The following WDR59 variants were observed in gnomAD, a reference collection of about 807,000 sequenced individuals.
WDR59 encodes GATOR2 complex protein WDR59.
WDR59 carries 100 observed loss-of-function variants against 131.2 expected under a neutral mutation model. The ratio of observed to expected loss-of-function variants is 0.76; its 90% confidence interval spans 0.65 to 0.90. The LOEUF (loss-of-function observed/expected upper bound fraction) is 0.90, where lower values mean the gene tolerates loss of function less well. Among genes scored for constraint, WDR59 ranks in the 40% least tolerant of loss-of-function variants. WDR59 has a pLI of 0.00. For missense variants in WDR59, 1,203 were observed against 1,262.2 expected, an observed-to-expected ratio of 0.95 and a Z score of 0.71; for synonymous variants, 601 against 466.2, an observed-to-expected ratio of 1.29 and a Z score of -3.72.
In WDR59 at chr16:74,942,801, A is replaced by G. The variant is rs766186106; in HGVS notation, c.471T>C (p.Asn157=). The G allele has an allele frequency of 1.2e-6, 2 of 1,612,534 alleles. No homozygotes were observed. Among genetic ancestry groups the G allele is most frequent in the East Asian group, 4.5e-5 (2 of 44,882 alleles). Residue 157 remains asparagine, a synonymous_variant, in exon 7 of 26, where the codon AAT becomes AAC. Coordinates refer to ENST00000262144, the MANE Select transcript of WDR59 (RefSeq NM_030581.4). Reference sequence around the variant, plus strand: ...TGGCAAGGCAGTTAGCATTTTTTTTATTCCATTTGACCTGGGAGGCACCCG... The same window carrying G: ...TGGCAAGGCAGTTAGCATTTTTTTTGTTCCATTTGACCTGGGAGGCACCCG... ...AVAGASQVKW[N]KKNANCLATS...
chr16:74,918,781 G>T (rs916909535), intron 10 of WDR59, among the ~76,000 whole-genome samples: 2 of 152,132 alleles, frequency 1.3e-5, no homozygotes, highest in African/African-American at 4.8e-5. Flanking sequence ...TTTATGGATG[G>T]GGAAACTGAG....
At chr16:74,951,197 T>C (rs2032977972) in intron 4 of WDR59, among the ~76,000 whole-genome samples, 1 of 151,210 alleles carries the variant, frequency 6.6e-6, no homozygotes, top group Non-Finnish European at 1.5e-5. Flanking sequence ...CTCTAATCCT[T>C]TACCCTGGAC....
At chr16:74,910,014 C>A (rs1158319924) in intron 14 of WDR59, 97 bp from the exon 15 acceptor site, 37 of 1,063,948 alleles carry the variant, frequency 3.5e-5, no homozygotes, top group Non-Finnish European at 4.7e-5. Flanking sequence ...GTTGCCCAGG[C>A]TGGAGTGTAG....
intron 2 of WDR59, among the ~76,000 whole-genome samples, chr16:74,958,716 G>C (rs1300432601): frequency 6.6e-6 from 1 of 151,568 alleles, no homozygotes; most frequent in African/African-American, 2.4e-5. Flanking sequence ...ACAAGGGCAA[G>C]GGGTAGGGCT....
chr16:74,969,883 T>C (rs2033914273), intron 1 of WDR59, among the ~76,000 whole-genome samples: 1 of 151,924 alleles, frequency 6.6e-6, no homozygotes, highest in Non-Finnish European at 1.5e-5. Context: ...AACTCCTAGA[T>C]TCAAATGATC....
intron 11 of WDR59, 114 bp downstream of exon 11, chr16:74,917,815 A>G: frequency 1.1e-6 from 1 of 884,650 alleles, no homozygotes; most frequent in Non-Finnish European, 1.7e-6. Context: ...TCTCAAAAAA[A>G]AAAAAAAAAA....
rs118141645 is a variant in WDR59, at chr16:74,901,453, T to G, written c.1866+2494A>C. 1.8e-4 allele frequency among the ~76,000 whole-genome samples: 28 copies of G among 152,076 alleles called. 1 individual carries two copies. The highest frequency in any genetic ancestry group is 1.4e-3 in the East Asian group (7 of 5,164). On this transcript the variant is annotated intron_variant, in intron 18 of 25. Transcript: ENST00000262144. ...ACAGAGAAATCCAGCCTGGGCAACA[T>G]AGCGGGACCCCAGCTCTATAAAAAT...
At chr16:74,936,478 G>C (rs1332579655) in intron 8 of WDR59, among the ~76,000 whole-genome samples, 1 of 152,050 alleles carries the variant, frequency 6.6e-6, no homozygotes, top group Non-Finnish European at 1.5e-5. Flanking sequence ...AGTTGAACTG[G>C]ATGGCTTCTG....
rs927107097 is a variant in WDR59 at position 74,955,343 on chromosome 16, C to T, written c.240+1132G>A. ...AGGGATGCTGCTGAACTTCCTGCAA[C>T]GCACAGGACAGCCCCACCACAAAGA... On this transcript the variant is annotated intron_variant, in intron 3 of 25. Transcript: ENST00000262144. Among the ~76,000 whole-genome samples the T allele has an allele frequency of 6.6e-5, 10 of 152,204 alleles. No homozygotes were observed. The Middle Eastern group carries it at 0.017, about 259-fold the overall frequency.
At chr16:74,923,694 C>T (rs569057302) in intron 9 of WDR59, among the ~76,000 whole-genome samples, 3 of 152,130 alleles carry the variant, frequency 2.0e-5, no homozygotes, top group South Asian at 2.1e-4. Flanking sequence ...AGGATGGTCT[C>T]GAACTCCTGA....
chr16:74,919,135 C>G (rs1242833090), intron 10 of WDR59, among the ~76,000 whole-genome samples: 2 of 152,100 alleles, frequency 1.3e-5, no homozygotes, highest in Non-Finnish European at 2.9e-5. Context: ...CCCAAGGGGC[C>G]CTTTGCTTCC....
intron 1 of WDR59, among the ~76,000 whole-genome samples, chr16:74,983,656 A>G (rs1057158588): frequency 7.9e-5 from 12 of 151,974 alleles, no homozygotes; most frequent in African/African-American, 2.4e-4. Context: ...TGTGTGCCAC[A>G]CATCCTCAAC....
chr16:74,931,795 G>C (rs9788894), intron 8 of WDR59, among the ~76,000 whole-genome samples: 41,509 of 151,838 alleles, frequency 0.27, 5,938 homozygotes, highest in African/African-American at 0.34. Flanking sequence ...GATCGTTTGA[G>C]CCCAGGAGGC....
At chr16:74,886,559 C>G (rs544153451) in intron 23 of WDR59, 163 bp from the exon 24 acceptor site, 1 of 985,272 alleles carries the variant, frequency 1.0e-6, no homozygotes, top group Non-Finnish European at 1.4e-6. Context: ...CTCTCCTACC[C>G]TTGCCTTTTT....
intron 17 of WDR59, among the ~76,000 whole-genome samples, chr16:74,907,933 C>T (rs1451664521): frequency 6.6e-6 from 1 of 152,166 alleles, no homozygotes; most frequent in East Asian, 1.9e-4. Context: ...CATAAAATGA[C>T]AGGGCCAAAA....
At position 74,904,025 on chromosome 16, in the gene WDR59, G is replaced by A. The variant is rs1965683752; in HGVS notation, c.1788C>T (p.Asn596=). 1 of 1,612,806 alleles carries A rather than the reference G, an allele frequency of 6.2e-7. No homozygotes were observed. The highest frequency in any genetic ancestry group is 1.3e-5 in the African/African-American group (1 of 75,030). Residue 596 remains asparagine (N), a synonymous_variant, in exon 18 of 26, where the codon AAC becomes AAT. Transcript: ENST00000262144. The stretch of plus-strand genomic sequence containing the variant: ...TGGGGCTCCCACTGTATAAACGAAG[G>A]TTCCCAGGGGCCTCTGTGCGGATCT... The part of the protein sequence containing the change: ...PMKIRTEAPG[N]LRLYSGSPTR...
intron 1 of WDR59, among the ~76,000 whole-genome samples, chr16:74,981,512 T>G (rs529121895): frequency 3.4e-5 from 5 of 149,244 alleles, no homozygotes; most frequent in African/African-American, 1.2e-4. Flanking sequence ...GAGCCAAGAT[T>G]GCACCACTGC....
At position 74,899,610 on chromosome 16, in the gene WDR59, C is replaced by A. The variant is rs1965452157; in HGVS notation, c.1866+4337G>T. 2.9e-5 allele frequency: 33 copies of A among 1,121,760 alleles called. No individual in the cohort carries two copies. In the South Asian group the frequency reaches 4.4e-4, roughly 15 times the overall value. The allele number at this position is 1,121,760 out of a possible 1,614,324, so 69.5% of individuals were successfully genotyped here. The stretch of plus-strand genomic sequence containing the variant: ...AACAGCTCGCCTGTCATTTCAGGTT[C>A]CTCAAAGCCAGGCAGGTGGCATTTT... On this transcript the variant is annotated intron_variant, in intron 18 of 25. Transcript: ENST00000262144.
At chr16:74,958,674 G>A (rs1160628336) in intron 2 of WDR59, among the ~76,000 whole-genome samples, 1 of 147,588 alleles carries the variant, frequency 6.8e-6, no homozygotes, top group African/African-American at 2.5e-5. Context: ...GAAGCAAGTT[G>A]CTTCCCCCCA....
Sources: allele counts gnomAD v4.1 joint callset (sites outside exome capture counted in the v4.1 genomes callset), GRCh38; gene constraint gnomAD v4.1.1; transcripts MANE v1.5; gene names NCBI Gene and HGNC (gene_info 2026-07-23, HGNC 2026-07-21).